Variants in UBFD1 observed in about 807,000 individuals in gnomAD.
The protein encoded by UBFD1 is ubiquitin domain-containing protein UBFD1.
A neutral mutation model predicts 35.1 loss-of-function variants in UBFD1; 12 were observed. The observed-to-expected ratio is 0.34, with a 90% CI of 0.22 to 0.55. UBFD1 has a LOEUF of 0.55. UBFD1 is among the 20% of genes least tolerant of loss of function. The pLI, the probability that UBFD1 is intolerant of heterozygous loss-of-function variation, is 0.89. For synonymous variants in UBFD1, 178 were observed against 167.6 expected (o/e 1.06, Z -0.48); for missense variants, 337 against 410.8 (o/e 0.82, Z 1.55).
intron 3 of UBFD1, among the ~76,000 whole-genome samples, chr16:23,560,844 A>G (rs1381632842): frequency 6.6e-6 from 1 of 152,190 alleles, no homozygotes; most frequent in Non-Finnish European, 1.5e-5. Flanking sequence ...ACCCCCACAT[A>G]TGGGGTCTCA....
chr16:23,559,526 A>G lies in UBFD1; in HGVS notation c.414A>G (p.Thr138=). Residue 138 remains threonine, a synonymous_variant, in exon 3 of 7, where the codon ACA becomes ACG. Coordinates refer to ENST00000395878, the MANE Select transcript of UBFD1 (RefSeq NM_019116.3). ...AGGGACTCGTCCCCGAGGATAAAAC[A>G]TTGAGAGAAATAAAAGTGACCAGTG... ...MYKGLVPEDK[T]LREIKVTSGA... is the part of the protein sequence containing the mutation. 6.2e-7 allele frequency: 1 copy of G among 1,614,192 alleles called. No individual in the cohort carries two copies. Among genetic ancestry groups the G allele is most frequent in the Non-Finnish European group, 8.5e-7 (1 of 1,180,042 alleles).
rs1255032102 is a variant in UBFD1 at position 23,557,975 on chromosome 16, G to A, written c.51G>A (p.Thr17=). 8 of 1,364,676 alleles carry A rather than the reference G, an allele frequency of 5.9e-6. No homozygotes were observed. The Admixed American group carries it at 1.6e-4, about 27-fold the overall frequency. 84.5% of individuals were successfully genotyped at this position (1,364,676 alleles called of 1,614,324 possible). A position where few individuals can be genotyped will look rare whatever the true frequency, so the allele number is the denominator to read the frequency against. ...GCATGGAGGAACCTGGCATGGACAC[G>A]GAGGCCGAGACTGTGGCTACTGAGG... The part of the protein sequence containing the change: ...PDGMEEPGMD[T]EAETVATEAP... Residue 17 remains threonine (T), a synonymous_variant, in exon 2 of 7, where the codon ACG becomes ACA. Coordinates refer to ENST00000395878, the MANE Select transcript of UBFD1 (RefSeq NM_019116.3).
intron 2 of UBFD1, 32 bp downstream of exon 2, chr16:23,558,311 C>A (rs772029750): frequency 2.5e-6 from 4 of 1,592,336 alleles, no homozygotes; most frequent in East Asian, 2.4e-5. Context: ...GCCAGTCTTC[C>A]CCACCCCGCC....
In UBFD1 at chr16:23,574,194, T is replaced by G. The variant is rs529264684; in HGVS notation, c.*3604T>G. 5.2e-5 allele frequency: 8 copies of G among 152,758 alleles called. No individual in the cohort carries two copies. Among genetic ancestry groups the G allele is most frequent in the African/African-American group, 1.9e-4 (8 of 41,564 alleles). The allele number at this position is 152,758 out of a possible 1,614,324, so 9.5% of individuals were successfully genotyped here. A position where few individuals can be genotyped will look rare whatever the true frequency, so the allele number is the denominator to read the frequency against. Reference sequence around the variant, plus strand: ...CTGCTGAATTATTTGACAATATTTGTAAGTACCATGTTTCCTTGTGGTGTA... The same window carrying G: ...CTGCTGAATTATTTGACAATATTTGGAAGTACCATGTTTCCTTGTGGTGTA... On this transcript the variant is annotated 3_prime_UTR_variant, in exon 7 of 7. Transcript: ENST00000395878.
chr16:23,562,606 C>T lies in UBFD1; in HGVS notation c.631-19C>T. On this transcript the variant is annotated intron_variant, in intron 4 of 6. Coordinates refer to ENST00000395878, the MANE Select transcript of UBFD1 (RefSeq NM_019116.3). ...TTCTGACTGTCCCTCCATCTCTTAC[C>T]ATTCTCTCGTGCCTTCAGGAGCGCC... is the stretch of plus-strand genomic sequence containing the variant. 6.2e-7 allele frequency: 1 copy of T among 1,610,628 alleles called. No homozygotes were observed. Among genetic ancestry groups the T allele is most frequent in the Non-Finnish European group, 8.5e-7 (1 of 1,177,608 alleles).
intron 5 of UBFD1, among the ~76,000 whole-genome samples, chr16:23,563,128 T>C (rs919116355): frequency 6.6e-6 from 1 of 152,098 alleles, no homozygotes; most frequent in Non-Finnish European, 1.5e-5. Flanking sequence ...ATCTGGCCCT[T>C]TGGGGCCTGC....
At chr16:23,567,948 G>C (rs1036001014) in intron 6 of UBFD1, among the ~76,000 whole-genome samples, 1 of 152,254 alleles carries the variant, frequency 6.6e-6, no homozygotes, top group Admixed American at 6.5e-5. Flanking sequence ...AGAGAGATGT[G>C]TTGGAAGATC....
At chr16:23,561,233 C>A (rs1225324601) in intron 3 of UBFD1, among the ~76,000 whole-genome samples, 1 of 152,208 alleles carries the variant, frequency 6.6e-6, no homozygotes, top group Non-Finnish European at 1.5e-5. Context: ...TTTTTGCTAG[C>A]AGTCTGGCAG....
intron 1 of UBFD1, 59 bp from the exon 2 acceptor site, chr16:23,557,891 A>T: frequency 7.9e-7 from 1 of 1,270,038 alleles, no homozygotes; most frequent in Non-Finnish European, 9.9e-7. Flanking sequence ...CGGCGCCCGG[A>T]CAGCGTCCGT....
intron 3 of UBFD1, among the ~76,000 whole-genome samples, chr16:23,560,898 C>T (rs1965923303): frequency 6.6e-6 from 1 of 152,150 alleles, no homozygotes; most frequent in African/African-American, 2.4e-5. Context: ...TCCTGTTTTT[C>T]TTTGCCACAT....
intron 3 of UBFD1, chr16:23,561,984 C>T (rs893334543): frequency 8.5e-6 from 4 of 471,092 alleles, no homozygotes; most frequent in Non-Finnish European, 1.1e-5. Context: ...GTGTAATAGT[C>T]ACAGCAGTAG....
At position 23,558,158 on chromosome 16, in the gene UBFD1, C is replaced by T. The variant is rs774146336; in HGVS notation, c.234C>T (p.Gly78=). 4 of 1,604,990 alleles carry T rather than the reference C, an allele frequency of 2.5e-6. No individual in the cohort carries two copies. The highest frequency in any genetic ancestry group is 3.4e-5 in the Admixed American group (2 of 58,950). Residue 78 remains glycine (G), a synonymous_variant, in exon 2 of 7, where the codon GGC becomes GGT. Coordinates refer to ENST00000395878, the MANE Select transcript of UBFD1 (RefSeq NM_019116.3). ...CGGTCAGCAACGGCGAAGACGCGGG[C>T]GGCGGCGCGGGCAGGGAGCTGGTGG... The part of the protein sequence containing the change: ...QASVSNGEDA[G]GGAGRELVDL...
Position 23,558,010 on chromosome 16 carries a change from G to C in UBFD1, c.86G>C (p.Arg29Pro). 7.3e-7 allele frequency: 1 copy of C among 1,361,238 alleles called. No homozygotes were observed. Among genetic ancestry groups the C allele is most frequent in the Non-Finnish European group, 9.4e-7 (1 of 1,060,680 alleles). The allele number at this position is 1,361,238 out of a possible 1,614,324, so 84.3% of individuals were successfully genotyped here. Reference protein sequence around the residue: ...AETVATEAPARPVNCLEAEAA... With the variant: ...AETVATEAPAPPVNCLEAEAA... The stretch of plus-strand genomic sequence containing the variant: ...ACTGTGGCTACTGAGGCTCCCGCGC[G>C]GCCCGTCAACTGCCTGGAGGCTGAA... The change falls in exon 2 of 7, where the codon CGG becomes CCG. Residue 29 changes from arginine (R) to proline (P), a missense_variant. Coordinates refer to ENST00000395878, the MANE Select transcript of UBFD1 (RefSeq NM_019116.3).
At position 23,559,501 on chromosome 16, in the gene UBFD1, A is replaced by G. The variant is rs1216164364; in HGVS notation, c.389A>G (p.Lys130Arg). Residue 130 changes from lysine to arginine, a missense_variant, in exon 3 of 7, where the codon AAG (lysine) becomes AGG (arginine). Transcript: ENST00000395878. Reference protein sequence around the residue: ...LPPAMQKVMYKGLVPEDKTLR... With the variant: ...LPPAMQKVMYRGLVPEDKTLR... ...CCTGCCATGCAGAAAGTCATGTATA[A>G]GGGACTCGTCCCCGAGGATAAAACA... 6.2e-7 allele frequency: 1 copy of G among 1,614,042 alleles called. No individual in the cohort carries two copies.
intron 5 of UBFD1, chr16:23,565,064 G>T (rs1193337732): frequency 3.9e-5 from 6 of 152,260 alleles, no homozygotes; most frequent in African/African-American, 1.2e-4. Flanking sequence ...AGCCCAAGGG[G>T]CAGGCAGTCT....
Position 23,574,121 on chromosome 16 carries a change from C to A in UBFD1, c.*3531C>A, listed in dbSNP as rs1966122667. 1 of 152,540 alleles carries A rather than the reference C, an allele frequency of 6.6e-6. No individual in the cohort carries two copies. The highest frequency in any genetic ancestry group is 1.5e-5 in the Non-Finnish European group (1 of 68,032). 9.4% of individuals were successfully genotyped at this position (152,540 alleles called of 1,614,324 possible). On this transcript the variant is annotated 3_prime_UTR_variant, in exon 7 of 7. Coordinates refer to ENST00000395878, the MANE Select transcript of UBFD1 (RefSeq NM_019116.3). ...GATTGATCTGCCAGGCTGGGTGGTT[C>A]TACTGCTTTCTCAATTTCTAAGAAC... is the stretch of plus-strand genomic sequence containing the variant.
Position 23,558,099 on chromosome 16 carries a change from G to T in UBFD1, c.175G>T (p.Ala59Ser). 1 of 1,550,234 alleles carries T rather than the reference G, an allele frequency of 6.5e-7. No homozygotes were observed. The highest frequency in any genetic ancestry group is 8.7e-7 in the Non-Finnish European group (1 of 1,152,870). Residue 59 changes from alanine (A) to serine (S), a missense_variant, in exon 2 of 7, where the codon GCC becomes TCC. Physicochemically the swap from Ala to Ser is moderately conservative, Grantham distance 99 (BLOSUM62 1). This residue lies in a region of UBFD1 where 198 missense variants were observed against 168.4 expected (regional missense o/e 1.18). Coordinates refer to ENST00000395878, the MANE Select transcript of UBFD1 (RefSeq NM_019116.3). Reference protein sequence around the residue: ...AARGSLQPAPAQPPGDPAAQA... With the variant: ...AARGSLQPAPSQPPGDPAAQA... ...ACGAGGCAGCCTGCAGCCGGCCCCG[G>T]CCCAGCCCCCTGGGGACCCCGCAGC...
rs113831570 is a variant in UBFD1, at chr16:23,559,456, C to T, written c.356-12C>T. On this transcript the variant is annotated splice_polypyrimidine_tract_variant and intron_variant, in intron 2 of 6. Transcript: ENST00000395878. ...CCTTCCTTTCACTGTCCACCTTCTA[C>T]CTTTTCCCAAGGTCTCCCGCCTGCC... 6.2e-7 allele frequency: 1 copy of T among 1,611,596 alleles called. No homozygotes were observed. Among genetic ancestry groups the T allele is most frequent in the Non-Finnish European group, 8.5e-7 (1 of 1,178,900 alleles).
In UBFD1 at chr16:23,570,940, GT is replaced by G. The variant is rs201068730; in HGVS notation, c.*358del. The stretch of plus-strand genomic sequence containing the variant: ...TGACAAGGGAATGATCAAAAGCTTT[GT>G]TTTTTTTAAAAAAAAAAAAAGCAGT... On this transcript the variant is annotated 3_prime_UTR_variant, in exon 7 of 7. Coordinates refer to ENST00000395878, the MANE Select transcript of UBFD1 (RefSeq NM_019116.3). The G allele has an allele frequency of 0.2, 24,179 of 118,922 alleles. 2,067 individuals carry two copies. The highest frequency in any genetic ancestry group is 0.35 in the East Asian group (1,437 of 4,146). The allele number at this position is 118,922 out of a possible 1,614,324, so 7.4% of individuals were successfully genotyped here. A position where few individuals can be genotyped will look rare whatever the true frequency, so the allele number is the denominator to read the frequency against.
Sources: allele counts gnomAD v4.1 joint callset (sites outside exome capture counted in the v4.1 genomes callset), GRCh38; gene constraint gnomAD v4.1.1; regional missense constraint gnomAD v4.1.1; transcripts MANE v1.5; gene names NCBI Gene and HGNC (gene_info 2026-07-23, HGNC 2026-07-21).